SCN8A: variants seen among roughly 807,000 people sequenced by gnomAD.
SCN8A encodes the protein sodium voltage-gated channel alpha subunit 8.
In SCN8A, 30 loss-of-function variants were observed where a neutral mutation model predicts 184.1. That is an observed-to-expected ratio of 0.16 (90% CI 0.12 to 0.22). The LOEUF (loss-of-function observed/expected upper bound fraction) is 0.22. Ranked by LOEUF, SCN8A falls within the 10% of genes least tolerant of loss-of-function variation. The probability of loss-of-function intolerance (pLI) is 1.00; values close to 1 mark genes in which losing one functional copy is unlikely to be tolerated. For synonymous variants in SCN8A, 852 were observed against 907.0 expected, an observed-to-expected ratio of 0.94 and a Z score of 1.09; for missense variants, 1,057 against 2,498.9, an observed-to-expected ratio of 0.42 and a Z score of 12.30.
intron 7 of SCN8A, among the ~76,000 whole-genome samples, chr12:51,700,445 T>A (rs1459179064): frequency 1.3e-5 from 2 of 152,218 alleles, no homozygotes; most frequent in Non-Finnish European, 2.9e-5. Context: ...GAACTCAAAT[T>A]TTCTTAATAC....
rs775896375 is a variant in SCN8A, at chr12:51,687,558, A to G, written c.614+339A>G. 4.6e-5 allele frequency among the ~76,000 whole-genome samples: 7 copies of G among 152,154 alleles called. No homozygotes were observed. The South Asian group carries it at 6.2e-4, about 14-fold the overall frequency. On this transcript the variant is annotated intron_variant, in intron 5 of 26. Coordinates refer to ENST00000627620, the MANE Select transcript of SCN8A (RefSeq NM_001330260.2). ...CTATCATTACAAGGCCTCTGTGAAG[A>G]CTTGAAATTTTTTAGTTGTAAACTT...
intron 25 of SCN8A, among the ~76,000 whole-genome samples, chr12:51,791,748 G>A (rs1484500374): frequency 1.3e-5 from 2 of 152,290 alleles, no homozygotes; most frequent in East Asian, 3.9e-4. Flanking sequence ...GCGTGGTTAT[G>A]TGTACCTGTG....
intron 1 of SCN8A, among the ~76,000 whole-genome samples, chr12:51,616,700 G>A (rs985039697): frequency 2.0e-5 from 3 of 151,982 alleles, no homozygotes; most frequent in African/African-American, 7.3e-5. Flanking sequence ...TGGGAGGACT[G>A]CCTGAGCCCA....
Position 51,721,803 on chromosome 12 carries a change from C to G in SCN8A, c.1893C>G (p.Pro631=). The G allele has an allele frequency of 6.2e-7, 1 of 1,609,200 alleles. No individual in the cohort carries two copies. The highest frequency in any genetic ancestry group is 8.5e-7 in the Non-Finnish European group (1 of 1,179,458). The change falls in exon 12 of 27, where the codon CCC becomes CCG. Residue 631 remains proline (P), a synonymous_variant. Coordinates refer to ENST00000627620, the MANE Select transcript of SCN8A (RefSeq NM_001330260.2). ...SQGSRSSRIF[P]SLRRSVKRNS... Reference sequence around the variant, plus strand: ...GCAGCCGCTCCTCGCGCATCTTCCCCAGCCTGCGGCGCAGCGTGAAGCGCA... The same window carrying G: ...GCAGCCGCTCCTCGCGCATCTTCCCGAGCCTGCGGCGCAGCGTGAAGCGCA...
chr12:51,687,239 T>C lies in SCN8A; in HGVS notation c.614+20T>C, dbSNP rs753647169. 1.2e-6 allele frequency: 2 copies of C among 1,612,422 alleles called. No individual in the cohort carries two copies. The highest frequency in any genetic ancestry group is 1.7e-6 in the Non-Finnish European group (2 of 1,178,950). ...GATGGCGTAAGTTCTCCCCTTACTT[T>C]ATTGGTGTTCTGGGTGTGATTCTGT... On this transcript the variant is annotated intron_variant, in intron 5 of 26. Coordinates refer to ENST00000627620, the MANE Select transcript of SCN8A (RefSeq NM_001330260.2).
chr12:51,713,445 A>G, intron 11 of SCN8A: 3 of 783,770 alleles, frequency 3.8e-6, no homozygotes, highest in South Asian at 2.7e-5. Context: ...ATTTCTCAAA[A>G]TGTCCTCTTA....
chr12:51,712,658 T>C, intron 11 of SCN8A: 3 of 814,348 alleles, frequency 3.7e-6, no homozygotes, highest in South Asian at 1.3e-5. Flanking sequence ...ATTTCCTCCT[T>C]CATTGTAACC....
chr12:51,753,022 A>G lies in SCN8A; in HGVS notation c.2370+1429A>G, dbSNP rs1258026460. On this transcript the variant is annotated intron_variant, in intron 14 of 26. Coordinates refer to ENST00000627620, the MANE Select transcript of SCN8A (RefSeq NM_001330260.2). ...AGGCTTTTTCACCTATCCCCACTAG[A>G]ACTCCAGTCAGACCAGGCTAGCAAA... Among the ~76,000 whole-genome samples the G allele has an allele frequency of 3.9e-5, 6 of 152,154 alleles. No individual in the cohort carries two copies. In the South Asian group the frequency reaches 6.2e-4, roughly 16 times the overall value.
rs144939476 is a variant in SCN8A, at chr12:51,739,833, A to G, written c.1999-6070A>G. Among the ~76,000 whole-genome samples, 1,314 of 152,324 alleles carry G rather than the reference A, an allele frequency of 8.6e-3. 67 individuals are homozygous for G. The highest frequency in any genetic ancestry group is 0.074 in the Admixed American group (1,138 of 15,306). The stretch of plus-strand genomic sequence containing the variant: ...ATTAAAGACACACACACACAGAAAT[A>G]TAGAAGTGTGAAGTGGGAAATCAGG... On this transcript the variant is annotated intron_variant, in intron 12 of 26. Coordinates refer to ENST00000627620, the MANE Select transcript of SCN8A (RefSeq NM_001330260.2).
intron 12 of SCN8A, among the ~76,000 whole-genome samples, chr12:51,728,588 A>G (rs1308017901): frequency 6.6e-6 from 1 of 152,084 alleles, no homozygotes; most frequent in Non-Finnish European, 1.5e-5. Flanking sequence ...TTAAAAAATT[A>G]GCTGGGTGTG....
intron 1 of SCN8A, among the ~76,000 whole-genome samples, chr12:51,593,176 G>A (rs1335940101): frequency 2.6e-5 from 4 of 152,170 alleles, no homozygotes; most frequent in African/African-American, 9.7e-5. Flanking sequence ...TTGCTGGTTG[G>A]TGAGGTGGTG....
chr12:51,794,165 CAG>C (rs1195238320), intron 25 of SCN8A, among the ~76,000 whole-genome samples: 3 of 152,038 alleles, frequency 2.0e-5, no homozygotes, highest in African/African-American at 7.2e-5. Flanking sequence ...AAACAGAAAA[CAG>C]AGAGAAGCTG....
At chr12:51,647,099 C>T (rs1940607855) in intron 1 of SCN8A, among the ~76,000 whole-genome samples, 1 of 152,076 alleles carries the variant, frequency 6.6e-6, no homozygotes, top group Admixed American at 6.6e-5. Flanking sequence ...GTCCCGGCCA[C>T]TTGGGAGGCT....
intron 26 of SCN8A, among the ~76,000 whole-genome samples, chr12:51,797,855 C>G (rs1011270685): frequency 6.6e-6 from 1 of 152,172 alleles, no homozygotes; most frequent in East Asian, 1.9e-4. Context: ...TTAATGGAAT[C>G]ATTGTTGTGT....
At chr12:51,785,532 A>G (rs1938060503) in intron 21 of SCN8A, among the ~76,000 whole-genome samples, 1 of 152,246 alleles carries the variant, frequency 6.6e-6, no homozygotes, top group Non-Finnish European at 1.5e-5. Context: ...GTGACAATGC[A>G]GTCTAAGGCA....
intron 2 of SCN8A, among the ~76,000 whole-genome samples, chr12:51,683,596 AC>A (rs1186090330): frequency 6.6e-6 from 1 of 151,948 alleles, no homozygotes; most frequent in East Asian, 1.9e-4. Flanking sequence ...CTCTTTATTC[AC>A]CCATCCCCTG....
chr12:51,675,358 A>G (rs1941205446), intron 2 of SCN8A, among the ~76,000 whole-genome samples: 1 of 152,228 alleles, frequency 6.6e-6, no homozygotes, highest in Non-Finnish European at 1.5e-5. Flanking sequence ...AAGCAAATGA[A>G]GAAGTGTATG....
At chr12:51,718,150 T>TA (rs1047684397) in intron 11 of SCN8A, among the ~76,000 whole-genome samples, 1 of 152,110 alleles carries the variant, frequency 6.6e-6, no homozygotes, top group Non-Finnish European at 1.5e-5. Flanking sequence ...GCAGAAATGT[T>TA]AAAGAGGAGC....
chr12:51,783,894 G>A (rs1276674181), intron 21 of SCN8A, among the ~76,000 whole-genome samples: 2 of 152,200 alleles, frequency 1.3e-5, no homozygotes, highest in East Asian at 1.9e-4. Flanking sequence ...CAATTGCCAA[G>A]TATAAACTTC....
Sources: gnomAD v4.1 joint callset for allele counts (sites outside exome capture counted in the v4.1 genomes callset) on GRCh38, gnomAD v4.1.1 for gene constraint, MANE v1.5 for transcripts, NCBI Gene and HGNC (gene_info 2026-07-23, HGNC 2026-07-21) for gene names.